Variants in KCNQ3 observed in about 807,000 individuals in gnomAD.
KCNQ3 encodes the protein potassium voltage-gated channel subfamily Q member 3.
In KCNQ3, 30 loss-of-function variants were observed where a neutral mutation model predicts 92.5. That is an observed-to-expected ratio of 0.32 (90% confidence interval 0.24 to 0.44). The LOEUF is 0.44. Among genes scored for constraint, KCNQ3 ranks in the 20% least tolerant of loss-of-function variants. KCNQ3 has a pLI of 1.00. For synonymous variants in KCNQ3, 450 were observed against 468.8 expected, an observed-to-expected ratio of 0.96 and a Z score of 0.52; for missense variants, 913 against 1,140.3, an observed-to-expected ratio of 0.80 and a Z score of 2.87.
intron 1 of KCNQ3, among the ~76,000 whole-genome samples, chr8:132,225,001 G>A (rs1249341017): frequency 6.6e-6 from 1 of 152,126 alleles, no homozygotes; most frequent in African/African-American, 2.4e-5. Context: ...GCTTACAATT[G>A]ACAGAATGAT....
At chr8:132,412,814 C>T (rs1224446925) in intron 1 of KCNQ3, among the ~76,000 whole-genome samples, 3 of 152,196 alleles carry the variant, frequency 2.0e-5, no homozygotes, top group African/African-American at 7.2e-5. Flanking sequence ...TATGAATGGA[C>T]CCCAACTGCA....
chr8:132,160,323 T>C (rs924419187), intron 9 of KCNQ3, among the ~76,000 whole-genome samples: 3 of 152,226 alleles, frequency 2.0e-5, no homozygotes, highest in African/African-American at 7.2e-5. Context: ...ATGGACTCCC[T>C]ATGCATCTGC....
At chr8:132,139,226 C>T (rs2469516) in intron 11 of KCNQ3, among the ~76,000 whole-genome samples, 145,058 of 152,332 alleles carry the variant, frequency 0.95, 69,354 homozygotes, top group African/African-American at 0.99. Flanking sequence ...GACTATGCAG[C>T]GTCCCAGCAG....
At chr8:132,340,609 TG>T (rs548326506) in intron 1 of KCNQ3, among the ~76,000 whole-genome samples, 188 of 151,216 alleles carry the variant, frequency 1.2e-3, no homozygotes, top group African/African-American at 4.4e-3. Context: ...CAGGGCCTAT[TG>T]GGGGGTGGTG....
chr8:132,433,041 T>G (rs1402539382), intron 1 of KCNQ3, among the ~76,000 whole-genome samples: 1 of 152,238 alleles, frequency 6.6e-6, no homozygotes, highest in African/African-American at 2.4e-5. Context: ...TGAGTTATCA[T>G]AATTATTGAC....
At chr8:132,445,901 C>T (rs1163095456) in intron 1 of KCNQ3, among the ~76,000 whole-genome samples, 1 of 152,162 alleles carries the variant, frequency 6.6e-6, no homozygotes, top group Non-Finnish European at 1.5e-5. Flanking sequence ...AGCTGTTTCT[C>T]TACATCCCTA....
intron 1 of KCNQ3, among the ~76,000 whole-genome samples, chr8:132,417,120 A>G (rs1348479201): frequency 6.6e-6 from 1 of 152,224 alleles, no homozygotes; most frequent in Non-Finnish European, 1.5e-5. Flanking sequence ...GTCTGATCCC[A>G]TACACTCATG....
rs577748905 is a variant in KCNQ3 at position 132,457,999 on chromosome 8, C to T, written c.386+22148G>A. Among the ~76,000 whole-genome samples, 105 of 152,276 alleles carry T rather than the reference C, an allele frequency of 6.9e-4. 2 individuals are homozygous for T. Among genetic ancestry groups the T allele is most frequent in the African/African-American group, 1.4e-3 (60 of 41,556 alleles). On this transcript the variant is annotated intron_variant, in intron 1 of 14. Coordinates refer to ENST00000388996, the MANE Select transcript of KCNQ3 (RefSeq NM_004519.4). Reference sequence around the variant, plus strand: ...TGAGCATGTCCACCTCCTGTCCAGACGATGAGGTCTTTGAAGGTAGAAGCC... The same window carrying T: ...TGAGCATGTCCACCTCCTGTCCAGATGATGAGGTCTTTGAAGGTAGAAGCC...
intron 1 of KCNQ3, among the ~76,000 whole-genome samples, chr8:132,456,213 C>T (rs1368993427): frequency 6.6e-6 from 1 of 152,172 alleles, no homozygotes; most frequent in Non-Finnish European, 1.5e-5. Flanking sequence ...ACATTTTCAT[C>T]CACATTCTCT....
chr8:132,221,179 G>A (rs559358209), intron 1 of KCNQ3, among the ~76,000 whole-genome samples: 6 of 152,320 alleles, frequency 3.9e-5, no homozygotes, highest in African/African-American at 4.8e-5. Context: ...GTATTCCATC[G>A]TGTATATGTG....
chr8:132,204,669 T>C (rs981936573), intron 1 of KCNQ3, among the ~76,000 whole-genome samples: 3 of 152,198 alleles, frequency 2.0e-5, no homozygotes, highest in Non-Finnish European at 4.4e-5. Context: ...TTCTCAGGAG[T>C]CAGGTAGATC....
intron 1 of KCNQ3, among the ~76,000 whole-genome samples, chr8:132,460,406 T>C (rs1364386182): frequency 6.6e-6 from 1 of 152,198 alleles, no homozygotes; most frequent in Non-Finnish European, 1.5e-5. Flanking sequence ...ACATGGATAC[T>C]CTAGACTCCA....
At chr8:132,299,052 T>A (rs549292850) in intron 1 of KCNQ3, among the ~76,000 whole-genome samples, 2 of 152,172 alleles carry the variant, frequency 1.3e-5, no homozygotes, top group Admixed American at 6.5e-5. Flanking sequence ...GCTATTTAGA[T>A]AACTGTTCCT....
At chr8:132,206,260 C>T (rs1813653692) in intron 1 of KCNQ3, among the ~76,000 whole-genome samples, 1 of 152,122 alleles carries the variant, frequency 6.6e-6, no homozygotes, top group South Asian at 2.1e-4. Context: ...TCTAATTCTG[C>T]CCTGCCAGGC....
chr8:132,337,244 C>G (rs6471061), intron 1 of KCNQ3, among the ~76,000 whole-genome samples: 114,698 of 152,142 alleles, frequency 0.75, 43,405 homozygotes, highest in East Asian at 0.94. Flanking sequence ...AGCACTTTGG[C>G]AGTCCAAGGC....
In KCNQ3 at chr8:132,403,016, C is replaced by CAAAAAAAAAAAA. The variant is rs375099145; in HGVS notation, c.386+77119_386+77130dup. 2.3e-3 allele frequency among the ~76,000 whole-genome samples: 158 copies of CAAAAAAAAAAAA among 67,596 alleles called. 18 individuals are homozygous for CAAAAAAAAAAAA. The highest frequency in any genetic ancestry group is 9.2e-3 in the African/African-American group (107 of 11,688). 44.3% of individuals were successfully genotyped at this position (67,596 alleles called of 152,430 possible). On this transcript the variant is annotated intron_variant, in intron 1 of 14. Coordinates refer to ENST00000388996, the MANE Select transcript of KCNQ3 (RefSeq NM_004519.4). ...CTGGCAACAGGGCGAGGCACCATCA[C>CAAAAAAAAAAAA]AAAAAAAAAAAAAAAAGTGTCAATA...
intron 1 of KCNQ3, among the ~76,000 whole-genome samples, chr8:132,290,198 T>C (rs1028849668): frequency 6.6e-6 from 1 of 152,224 alleles, no homozygotes. Context: ...GCCCACTACT[T>C]TGATTAGTCA....
chr8:132,303,595 ATATATGGTGTG>A (rs1173924518), intron 1 of KCNQ3, among the ~76,000 whole-genome samples: 33 of 43,002 alleles, frequency 7.7e-4, no homozygotes, highest in South Asian at 1.9e-3. Flanking sequence ...GTGTGTATAT[ATATATGGTGTG>A]TATATATATA....
intron 1 of KCNQ3, among the ~76,000 whole-genome samples, chr8:132,383,928 G>A (rs1457785): frequency 0.49 from 73,726 of 152,000 alleles, 20,341 homozygotes; most frequent in African/African-American, 0.76. Context: ...AGGGTTAAAT[G>A]AGTGAATAGA....
Sources: gnomAD v4.1 joint callset for allele counts (sites outside exome capture counted in the v4.1 genomes callset) on GRCh38, gnomAD v4.1.1 for gene constraint, MANE v1.5 for transcripts, NCBI Gene and HGNC (gene_info 2026-07-23, HGNC 2026-07-21) for gene names.